SLC24A2: variants seen among roughly 807,000 people sequenced by gnomAD.
SLC24A2 encodes the protein solute carrier family 24 member 2, also known as sodium/potassium/calcium exchanger 2.
Under a neutral mutation model 62.0 loss-of-function variants are expected in SLC24A2, and 36 were observed. That is an observed-to-expected ratio of 0.58 (90% CI 0.44 to 0.77). The LOEUF is 0.77. SLC24A2 is among the 30% of genes least tolerant of loss of function. The pLI is 0.00. For synonymous variants in SLC24A2, 358 were observed against 294.0 expected (o/e 1.22, Z -2.23); for missense variants, 846 against 817.9 (o/e 1.03, Z -0.42).
chr9:19,582,150 G>A (rs1836228365), intron 5 of SLC24A2, among the ~76,000 whole-genome samples: 1 of 152,108 alleles, frequency 6.6e-6, no homozygotes, highest in Non-Finnish European at 1.5e-5. Context: ...AAAGATCCAA[G>A]CATAAGAGCT....
At chr9:20,171,588 A>C in the SLC24A2 span, among the ~76,000 whole-genome samples, 1 of 152,042 alleles carries the variant, frequency 6.6e-6, no homozygotes, top group African/African-American at 2.4e-5. Context: ...GACAAAACAA[A>C]CTTTAAAGCA....
chr9:20,030,679 G>A, the SLC24A2 span, among the ~76,000 whole-genome samples: 1 of 152,208 alleles, frequency 6.6e-6, no homozygotes, highest in Non-Finnish European at 1.5e-5. Flanking sequence ...AGGTGCTGTT[G>A]TAAGAGTTCT....
the SLC24A2 span, among the ~76,000 whole-genome samples, chr9:20,158,678 G>C: frequency 1.7e-4 from 26 of 151,626 alleles, no homozygotes; most frequent in Non-Finnish European, 3.5e-4. Flanking sequence ...GGAAATAACT[G>C]AAAGAATAAA....
At chr9:19,955,416 A>G in the SLC24A2 span, among the ~76,000 whole-genome samples, 1 of 144,812 alleles carries the variant, frequency 6.9e-6, no homozygotes, top group Admixed American at 6.9e-5. Context: ...TTGAGATGTT[A>G]GTAAGGGTTT....
chr9:19,761,232 C>T (rs2118851797), intron 2 of SLC24A2, among the ~76,000 whole-genome samples: 1 of 152,016 alleles, frequency 6.6e-6, no homozygotes, highest in East Asian at 1.9e-4. Context: ...GAGGAATCAC[C>T]AGACTATCTT....
chr9:20,150,756 AC>A, the SLC24A2 span, among the ~76,000 whole-genome samples: 3 of 151,866 alleles, frequency 2.0e-5, no homozygotes, highest in Non-Finnish European at 2.9e-5. Context: ...AAAAAGTTAT[AC>A]AACTATTTAA....
chr9:20,012,531 T>G, the SLC24A2 span, among the ~76,000 whole-genome samples: 1 of 151,172 alleles, frequency 6.6e-6, no homozygotes, highest in Non-Finnish European at 1.5e-5. Flanking sequence ...CAGAAAGTCC[T>G]AGCCAGAGGA....
the SLC24A2 span, among the ~76,000 whole-genome samples, chr9:19,831,394 T>G: frequency 1.1e-4 from 16 of 152,238 alleles, no homozygotes; most frequent in South Asian, 3.3e-3. Context: ...CCCCCACCAC[T>G]CTCACTCTTT....
chr9:20,133,678 G>C, the SLC24A2 span, among the ~76,000 whole-genome samples: 1 of 151,920 alleles, frequency 6.6e-6, no homozygotes, highest in African/African-American at 2.4e-5. Flanking sequence ...CTATTTATTG[G>C]TATACATTGC....
chr9:19,927,214 A>C, the SLC24A2 span: 2 of 152,380 alleles, frequency 1.3e-5, no homozygotes, highest in African/African-American at 2.4e-5. Context: ...TAAGTCCCCA[A>C]CCTGTGGTCG....
the SLC24A2 span, among the ~76,000 whole-genome samples, chr9:20,259,079 C>T: frequency 6.6e-6 from 1 of 152,066 alleles, no homozygotes; most frequent in Non-Finnish European, 1.5e-5. Flanking sequence ...AGAGATGCAA[C>T]ATTGCTGGCT....
intron 2 of SLC24A2, among the ~76,000 whole-genome samples, chr9:19,726,250 G>A (rs1821165356): frequency 6.6e-6 from 1 of 152,124 alleles, no homozygotes; most frequent in Admixed American, 6.6e-5. Flanking sequence ...TAGTCTTCTT[G>A]CTGCAGTAAT....
the SLC24A2 span, among the ~76,000 whole-genome samples, chr9:19,931,621 C>A: frequency 6.6e-6 from 1 of 152,066 alleles, no homozygotes; most frequent in Admixed American, 6.5e-5. Context: ...AAATCACAGG[C>A]AAAATGGTAC....
At chr9:20,155,758 G>T in the SLC24A2 span, among the ~76,000 whole-genome samples, 8 of 151,568 alleles carry the variant, frequency 5.3e-5, no homozygotes, top group African/African-American at 1.7e-4. Context: ...AAAACCAAAG[G>T]TGAATACGTA....
chr9:19,848,650 G>A, the SLC24A2 span, among the ~76,000 whole-genome samples: 1 of 152,066 alleles, frequency 6.6e-6, no homozygotes, highest in Non-Finnish European at 1.5e-5. Flanking sequence ...CATTACAAGT[G>A]AATAATTTAA....
At chr9:20,144,767 G>T in the SLC24A2 span, among the ~76,000 whole-genome samples, 1 of 151,924 alleles carries the variant, frequency 6.6e-6, no homozygotes, top group South Asian at 2.1e-4. Context: ...CATAAGAAAG[G>T]TTTGCCTCGT....
chr9:20,266,248 G>A, the SLC24A2 span, among the ~76,000 whole-genome samples: 55,069 of 151,942 alleles, frequency 0.36, 11,135 homozygotes, highest in East Asian at 0.61. Flanking sequence ...TGTGGGTTGT[G>A]GGGCATCACG....
the SLC24A2 span, among the ~76,000 whole-genome samples, chr9:19,910,888 T>C: frequency 3.2e-5 from 1 of 31,282 alleles, no homozygotes; most frequent in African/African-American, 5.6e-5. Context: ...GTGAGGTCCT[T>C]TTTTTTTTCT....
intron 8 of SLC24A2, among the ~76,000 whole-genome samples, chr9:19,544,140 T>G (rs538503584): frequency 3.9e-5 from 6 of 152,174 alleles, no homozygotes; most frequent in Admixed American, 3.3e-4. Flanking sequence ...ATATTTAGGA[T>G]AGTTGGCTCT....
Sources: allele counts gnomAD v4.1 joint callset (sites outside exome capture counted in the v4.1 genomes callset), GRCh38; gene constraint gnomAD v4.1.1; transcripts MANE v1.5; gene names NCBI Gene and HGNC (gene_info 2026-07-23, HGNC 2026-07-21).